Variants in UGT1A9 observed in about 807,000 individuals in gnomAD.
The protein encoded by UGT1A9 is UDP-glucuronosyltransferase 1A9.
Under a neutral mutation model 45.0 loss-of-function variants are expected in UGT1A9, and 35 were observed. The observed-to-expected ratio is 0.78, with a 90% CI of 0.59 to 1.03. The LOEUF is 1.03. Among genes scored for constraint, UGT1A9 ranks in the 50% least tolerant of loss-of-function variants. The pLI is 0.00. For synonymous variants in UGT1A9, 278 were observed against 250.6 expected (o/e 1.11, Z -1.03); for missense variants, 687 against 666.6 (o/e 1.03, Z -0.34).
intron 1 of UGT1A9, among the ~76,000 whole-genome samples, chr2:233,716,590 A>T (rs1367261005): frequency 2.0e-5 from 3 of 152,194 alleles, no homozygotes; most frequent in Non-Finnish European, 2.9e-5. Flanking sequence ...TCAAAGAGCA[A>T]AAATTTTAGA....
intron 1 of UGT1A9, chr2:233,713,460 T>C: frequency 2.5e-6 from 4 of 1,614,160 alleles, no homozygotes; most frequent in Non-Finnish European, 3.4e-6. Flanking sequence ...CTTTCACCTC[T>C]GCGCGGCGGT....
chr2:233,720,530 C>T (rs753695655), intron 1 of UGT1A9, among the ~76,000 whole-genome samples: 4 of 152,090 alleles, frequency 2.6e-5, no homozygotes, highest in Non-Finnish European at 5.9e-5. Context: ...TCACCAAACT[C>T]ACCCTATCCC....
chr2:233,687,112 TA>T (rs1320223051), intron 1 of UGT1A9, among the ~76,000 whole-genome samples: 1 of 152,156 alleles, frequency 6.6e-6, no homozygotes, highest in Non-Finnish European at 1.5e-5. Flanking sequence ...TAAACTTGGG[TA>T]AAAACTCAGC....
Position 233,767,860 on chromosome 2 carries a change from G to C in UGT1A9, c.999G>C (p.Arg333=). ...LGKIPQTVLW[R]YTGTRPSNLA... is the part of the protein sequence containing the mutation. ...TTTGCCCCTCCCAGGTCCTGTGGCGGTACACTGGAACCCGACCATCGAATC... is the reference window on the plus strand; with the variant it reads ...TTTGCCCCTCCCAGGTCCTGTGGCGCTACACTGGAACCCGACCATCGAATC... Residue 333 remains arginine (R), a synonymous_variant, in exon 3 of 5, where the codon CGG becomes CGC. Coordinates refer to ENST00000354728, the MANE Select transcript of UGT1A9 (RefSeq NM_021027.3). The C allele has an allele frequency of 1.2e-6, 2 of 1,614,120 alleles. No individual in the cohort carries two copies. The highest frequency in any genetic ancestry group is 1.7e-6 in the Non-Finnish European group (2 of 1,180,048).
At position 233,768,268 on chromosome 2, in the gene UGT1A9, T is replaced by A; in HGVS notation, c.1124T>A (p.Val375Asp). The change falls in exon 4 of 5, where the codon GTT becomes GAT. Residue 375 changes from valine to aspartate, a missense_variant. By Grantham distance (152) the Val-to-Asp change is radical. Coordinates refer to ENST00000354728, the MANE Select transcript of UGT1A9 (RefSeq NM_021027.3). ...AFITHAGSHG[V>D]YESICNGVPM... Reference sequence around the variant, plus strand: ...ATCACCCATGCTGGTTCCCATGGTGTTTATGAAAGCATATGCAATGGCGTT... The same window carrying A: ...ATCACCCATGCTGGTTCCCATGGTGATTATGAAAGCATATGCAATGGCGTT... 1 of 1,614,178 alleles carries A rather than the reference T, an allele frequency of 6.2e-7. No homozygotes were observed. The highest frequency in any genetic ancestry group is 8.5e-7 in the Non-Finnish European group (1 of 1,180,024).
At chr2:233,688,692 A>T (rs1187476979) in intron 1 of UGT1A9, among the ~76,000 whole-genome samples, 1 of 152,142 alleles carries the variant, frequency 6.6e-6, no homozygotes, top group Non-Finnish European at 1.5e-5. Flanking sequence ...TTAATATTAA[A>T]CGTCCTTCAT....
At chr2:233,677,109 G>T (rs1007638228) in intron 1 of UGT1A9, among the ~76,000 whole-genome samples, 1 of 151,970 alleles carries the variant, frequency 6.6e-6, no homozygotes, top group Non-Finnish European at 1.5e-5. Context: ...GATTGGGATT[G>T]TATTTTATTT....
chr2:233,710,160 A>G (rs1395236819), intron 1 of UGT1A9, among the ~76,000 whole-genome samples: 2 of 152,194 alleles, frequency 1.3e-5, no homozygotes, highest in Admixed American at 1.3e-4. Context: ...TCATTTGCTT[A>G]TGCATTTATT....
chr2:233,761,815 G>A (rs928491400), intron 1 of UGT1A9, among the ~76,000 whole-genome samples: 1 of 152,190 alleles, frequency 6.6e-6, no homozygotes, highest in African/African-American at 2.4e-5. Context: ...GAACAGGAGA[G>A]GCTCCTTCAG....
At chr2:233,679,928 T>G (rs2074466568) in intron 1 of UGT1A9, among the ~76,000 whole-genome samples, 2 of 152,312 alleles carry the variant, frequency 1.3e-5, no homozygotes, top group Admixed American at 1.3e-4. Flanking sequence ...CAAAAATGTA[T>G]TTCACAAAAA....
rs28969704 is a variant in UGT1A9, at chr2:233,675,159, G to A, written c.855+2370G>A. 9.5e-3 allele frequency among the ~76,000 whole-genome samples: 1,439 copies of A among 152,124 alleles called. 34 individuals are homozygous for A. Among genetic ancestry groups the A allele is most frequent in the African/African-American group, 0.033 (1,355 of 41,488 alleles). On this transcript the variant is annotated intron_variant, in intron 1 of 4. Transcript: ENST00000354728. The stretch of plus-strand genomic sequence containing the variant: ...GGCTATCCAGGGGAATTACATCCAG[G>A]GATGTAATTAAATACTTTAACAAGG...
intron 1 of UGT1A9, among the ~76,000 whole-genome samples, chr2:233,715,727 A>T (rs2076466166): frequency 6.6e-6 from 1 of 152,216 alleles, no homozygotes; most frequent in Non-Finnish European, 1.5e-5. Flanking sequence ...TGCCATGTTC[A>T]CGCCACCTCA....
At chr2:233,731,654 T>C (rs1402359717) in intron 1 of UGT1A9, among the ~76,000 whole-genome samples, 1 of 152,254 alleles carries the variant, frequency 6.6e-6, no homozygotes. Context: ...ATGGTGTATA[T>C]GTGCCACATT....
chr2:233,717,705 C>T (rs1452341997), intron 1 of UGT1A9: 2 of 450,484 alleles, frequency 4.4e-6, no homozygotes, highest in Non-Finnish European at 9.0e-6. Context: ...TGGAGCAGGA[C>T]GAGCCTCATG....
At chr2:233,716,806 G>A (rs1420257230) in intron 1 of UGT1A9, among the ~76,000 whole-genome samples, 2 of 152,272 alleles carry the variant, frequency 1.3e-5, no homozygotes, top group South Asian at 2.1e-4. Flanking sequence ...GTCTCTGGAC[G>A]TTGCTGGGGT....
rs575906647 is a variant in UGT1A9, at chr2:233,679,289, G to A, written c.855+6500G>A. ...CTGGCAATGCATTTTCTGCCTTCAC[G>A]GACAAAGCCTTGATGGAACCAATCC... On this transcript the variant is annotated intron_variant, in intron 1 of 4. Transcript: ENST00000354728. 2.6e-5 allele frequency among the ~76,000 whole-genome samples: 4 copies of A among 152,256 alleles called. No homozygotes were observed. In the East Asian group the frequency reaches 5.8e-4, roughly 22 times the overall value.
rs923317009 is a variant in UGT1A9, at chr2:233,730,111, C to T, written c.856-36923C>T. On this transcript the variant is annotated intron_variant, in intron 1 of 4. Transcript: ENST00000354728. ...CTTTCCAAATATTTCATTTCTGCTT[C>T]TCCTTGTCATAATAGCCTTCAGTGA... The T allele has an allele frequency of 2.6e-6, 4 of 1,566,198 alleles. No individual in the cohort carries two copies. In the African/African-American group the frequency reaches 4.1e-5, roughly 16 times the overall value.
intron 1 of UGT1A9, chr2:233,755,371 G>A (rs1695886794): frequency 2.8e-6 from 1 of 358,288 alleles, no homozygotes; most frequent in South Asian, 2.2e-5. Context: ...CCGCCTGGAG[G>A]GCCGCCCCTT....
intron 1 of UGT1A9, among the ~76,000 whole-genome samples, chr2:233,762,802 C>G (rs762572552): frequency 4.6e-5 from 7 of 151,304 alleles, no homozygotes; most frequent in Non-Finnish European, 1.0e-4. Context: ...ACTCAGCTAT[C>G]TCATCAAAAT....
Sources: allele counts gnomAD v4.1 joint callset (sites outside exome capture counted in the v4.1 genomes callset), GRCh38; gene constraint gnomAD v4.1.1; transcripts MANE v1.5; gene names NCBI Gene and HGNC (gene_info 2026-07-23, HGNC 2026-07-21).